The following NRG1 variants were observed in gnomAD, a reference collection of about 807,000 sequenced individuals.
The protein encoded by NRG1 is neuregulin 1.
NRG1 carries 18 observed loss-of-function variants against 63.8 expected under a neutral mutation model. The ratio of observed to expected loss-of-function variants is 0.28; its 90% CI spans 0.19 to 0.42. NRG1 has a LOEUF of 0.42. Among genes scored for constraint, NRG1 ranks in the 10% least tolerant of loss-of-function variants. The pLI is 1.00. For missense variants in NRG1, 762 were observed against 814.7 expected, an observed-to-expected ratio of 0.94 and a Z score of 0.79; for synonymous variants, 302 against 301.3, an observed-to-expected ratio of 1.00 and a Z score of -0.02.
chr8:32,769,145 A>G (rs1313766187), downstream of NRG1, among the ~76,000 whole-genome samples: 1 of 152,202 alleles, frequency 6.6e-6, no homozygotes, highest in Non-Finnish European at 1.5e-5. Context: ...CATGCAGAGA[A>G]TATTTAAAAC....
intron 1 of NRG1, among the ~76,000 whole-genome samples, chr8:32,133,889 G>A (rs1835171077): frequency 6.6e-6 from 1 of 152,128 alleles, no homozygotes; most frequent in South Asian, 2.1e-4. Context: ...TAAAGCACAG[G>A]TTGAAAATAC....
At chr8:32,143,832 C>G (rs764876050) in intron 1 of NRG1, among the ~76,000 whole-genome samples, 2 of 152,242 alleles carry the variant, frequency 1.3e-5, no homozygotes, top group African/African-American at 2.4e-5. Flanking sequence ...AAAATATGTA[C>G]ATGTTAGGCT....
At chr8:31,842,211 G>A (rs1185254850) in intron 1 of NRG1, among the ~76,000 whole-genome samples, 1 of 152,202 alleles carries the variant, frequency 6.6e-6, no homozygotes, top group African/African-American at 2.4e-5. Context: ...GGTTAACCTG[G>A]TTTTTATCTG....
chr8:32,670,396 C>A (rs1805325005), intron 5 of NRG1, among the ~76,000 whole-genome samples: 1 of 152,094 alleles, frequency 6.6e-6, no homozygotes, highest in Non-Finnish European at 1.5e-5. Flanking sequence ...TTCTCTTCTT[C>A]ATTGAGTTTT....
At chr8:32,648,256 C>A (rs566664058) in intron 5 of NRG1, 44 of 1,613,978 alleles carry the variant, frequency 2.7e-5, no homozygotes, top group Admixed American at 5.0e-5. Context: ...CGTATTTTTG[C>A]CTTTTCTTTC....
intron 1 of NRG1, among the ~76,000 whole-genome samples, chr8:32,135,336 G>A (rs1835367881): frequency 6.6e-6 from 1 of 152,180 alleles, no homozygotes; most frequent in Non-Finnish European, 1.5e-5. Flanking sequence ...ATGGGACAAG[G>A]ATGGAAACTA....
In NRG1 at chr8:32,721,748, C is replaced by T. The variant is rs1431771509; in HGVS notation, c.503-6201C>T. 6 of 1,013,312 alleles carry T rather than the reference C, an allele frequency of 5.9e-6. No individual in the cohort carries two copies. The East Asian group carries it at 1.8e-4, about 30-fold the overall frequency. 62.8% of individuals were successfully genotyped at this position (1,013,312 alleles called of 1,614,324 possible). On this transcript the variant is annotated intron_variant, in intron 5 of 11. Coordinates refer to ENST00000356819, the Ensembl canonical transcript of NRG1. ...TGACAAGGCTTCCGTGGTTCTGAGC[C>T]TGGCTCTGAACCTTTCCTTTGGAAA...
chr8:32,163,324 C>A (rs1480586673), intron 1 of NRG1, among the ~76,000 whole-genome samples: 1 of 152,170 alleles, frequency 6.6e-6, no homozygotes. Context: ...CTCAAGGGAA[C>A]TGTTTGCTAA....
At chr8:32,009,342 C>T (rs1483278901) in intron 1 of NRG1, among the ~76,000 whole-genome samples, 5 of 151,868 alleles carry the variant, frequency 3.3e-5, no homozygotes, top group African/African-American at 1.2e-4. Flanking sequence ...GTTGTATACA[C>T]AATGGTTAAC....
chr8:32,261,438 A>G (rs1389844899), intron 1 of NRG1, among the ~76,000 whole-genome samples: 1 of 151,882 alleles, frequency 6.6e-6, no homozygotes, highest in African/African-American at 2.4e-5. Flanking sequence ...AGGGCAATGA[A>G]TTCGAAACGG....
chr8:31,775,214 A>G (rs1196013619), intron 1 of NRG1, among the ~76,000 whole-genome samples: 2 of 152,230 alleles, frequency 1.3e-5, no homozygotes, highest in African/African-American at 4.8e-5. Flanking sequence ...ATCATGGAGG[A>G]CTGGATAAGG....
At chr8:32,237,237 T>C (rs1847657505) in intron 1 of NRG1, among the ~76,000 whole-genome samples, 2 of 152,194 alleles carry the variant, frequency 1.3e-5, no homozygotes, top group Admixed American at 6.6e-5. Context: ...TTCCAAGTTC[T>C]TGAAAGAGAG....
At chr8:31,893,673 A>G (rs1484257984) in intron 1 of NRG1, among the ~76,000 whole-genome samples, 1 of 134,256 alleles carries the variant, frequency 7.4e-6, no homozygotes, top group African/African-American at 2.8e-5. Flanking sequence ...AAATAAAATA[A>G]TATGTTCTAT....
intron 1 of NRG1, among the ~76,000 whole-genome samples, chr8:31,835,551 A>T (rs1825611941): frequency 6.6e-6 from 1 of 152,220 alleles, no homozygotes. Context: ...TTGGGTTATC[A>T]GACCCAGGTG....
At chr8:32,683,176 T>G (rs1366650032) in intron 5 of NRG1, among the ~76,000 whole-genome samples, 2 of 152,210 alleles carry the variant, frequency 1.3e-5, no homozygotes, top group Non-Finnish European at 2.9e-5. Context: ...ATTTCTGCAT[T>G]TATGACCAGA....
intron 1 of NRG1, among the ~76,000 whole-genome samples, chr8:31,858,129 C>G (rs1456653011): frequency 2.0e-5 from 3 of 152,058 alleles, no homozygotes; most frequent in Non-Finnish European, 2.9e-5. Flanking sequence ...GAAACCCTGT[C>G]TGTACTAAAA....
intron 1 of NRG1, among the ~76,000 whole-genome samples, chr8:32,389,340 A>G (rs576533557): frequency 3.9e-5 from 6 of 152,350 alleles, no homozygotes; most frequent in African/African-American, 1.4e-4. Flanking sequence ...TTAGATTAAT[A>G]TTGATATTTG....
intron 1 of NRG1, among the ~76,000 whole-genome samples, chr8:32,243,221 C>T (rs1404622233): frequency 2.6e-5 from 4 of 151,976 alleles, no homozygotes; most frequent in Non-Finnish European, 4.4e-5. Context: ...GCCAGGAGTT[C>T]GAGACGAGCC....
At chr8:32,358,676 T>C (rs984292749) in intron 1 of NRG1, among the ~76,000 whole-genome samples, 3 of 152,132 alleles carry the variant, frequency 2.0e-5, no homozygotes, top group Non-Finnish European at 4.4e-5. Context: ...ATCTTCAAGA[T>C]AGTAATAGCT....
Sources: gnomAD v4.1 joint callset for allele counts (sites outside exome capture counted in the v4.1 genomes callset) on GRCh38, gnomAD v4.1.1 for gene constraint, MANE v1.5 for transcripts, NCBI Gene and HGNC (gene_info 2026-07-23, HGNC 2026-07-21) for gene names.